ACTL8: variants seen among roughly 807,000 people sequenced by gnomAD.
The protein encoded by ACTL8 is actin-like protein 8.
In ACTL8, 3 loss-of-function variants were observed where a neutral mutation model predicts 9.3. That is an observed-to-expected ratio of 0.32 (90% confidence interval 0.15 to 0.83). The LOEUF is 0.83. Among genes scored for constraint, ACTL8 ranks in the 40% least tolerant of loss-of-function variants. The pLI is 0.57. For synonymous variants in ACTL8, 224 were observed against 205.9 expected (o/e 1.09, Z -0.75); for missense variants, 381 against 492.2 (o/e 0.77, Z 2.14).
At chr1:17,781,069 C>T (rs1037020584) in intron 1 of ACTL8, among the ~76,000 whole-genome samples, 1 of 152,062 alleles carries the variant, frequency 6.6e-6, no homozygotes, top group African/African-American at 2.4e-5. Flanking sequence ...CAGTAACCTC[C>T]GAAGGCTCTG....
chr1:17,811,056 T>C (rs534068066), intron 1 of ACTL8, among the ~76,000 whole-genome samples: 12 of 152,214 alleles, frequency 7.9e-5, no homozygotes, highest in Non-Finnish European at 1.5e-4. Context: ...TAAAAGAAAC[T>C]CCTAAACTGT....
rs573326282 is a variant in ACTL8 at position 17,769,431 on chromosome 1, G to T, written c.-25+13927G>T. ...TTTCACCTTAGACACGTTTGTAGCT[G>T]GTAGATAGTAACCCACCTTCTAGAC... is the stretch of plus-strand genomic sequence containing the variant. On this transcript the variant is annotated intron_variant, in intron 1 of 2. Transcript: ENST00000375406. Among the ~76,000 whole-genome samples the T allele has an allele frequency of 9.2e-5, 14 of 152,324 alleles. No individual in the cohort carries two copies. The South Asian group carries it at 2.9e-3, about 32-fold the overall frequency.
intron 1 of ACTL8, among the ~76,000 whole-genome samples, chr1:17,788,734 T>C (rs1478254080): frequency 2.0e-5 from 3 of 152,248 alleles, no homozygotes; most frequent in South Asian, 4.2e-4. Flanking sequence ...GCAATGGGCA[T>C]GTGGGGAGGT....
In ACTL8 at chr1:17,767,444, C is replaced by G. The variant is rs1344316835; in HGVS notation, c.-25+11940C>G. Among the ~76,000 whole-genome samples the G allele has an allele frequency of 2.0e-5, 3 of 152,072 alleles. No homozygotes were observed. Among genetic ancestry groups the G allele is most frequent in the Admixed American group, 6.5e-5 (1 of 15,280 alleles). ...AAAGAGTCTCTTCTTAGATATCGCTCTCTTCCCTTTCCTCCCGGACTGACG... is the reference window on the plus strand; with the variant it reads ...AAAGAGTCTCTTCTTAGATATCGCTGTCTTCCCTTTCCTCCCGGACTGACG... On this transcript the variant is annotated intron_variant, in intron 1 of 2. Transcript: ENST00000375406. This position sits in a 1 kb window ranked among gnomAD's most constrained non-coding sequence, Gnocchi z 4.7.
intron 1 of ACTL8, among the ~76,000 whole-genome samples, chr1:17,806,862 C>T (rs1482670885): frequency 1.3e-5 from 2 of 152,230 alleles, no homozygotes; most frequent in Non-Finnish European, 2.9e-5. Context: ...TGGCCCAACA[C>T]AGCACAGATT....
At chr1:17,782,183 G>GT (rs2066160382) in intron 1 of ACTL8, among the ~76,000 whole-genome samples, 1 of 152,104 alleles carries the variant, frequency 6.6e-6, no homozygotes, top group African/African-American at 2.4e-5. Flanking sequence ...TCAGACTCCA[G>GT]TTAGGGTACC....
intron 1 of ACTL8, among the ~76,000 whole-genome samples, chr1:17,813,928 C>T: frequency 6.6e-6 from 1 of 152,146 alleles, no homozygotes; most frequent in Non-Finnish European, 1.5e-5. Flanking sequence ...CTCTTGTTAT[C>T]CTTTTTGTGT....
At chr1:17,784,415 G>A (rs922036350) in intron 1 of ACTL8, among the ~76,000 whole-genome samples, 5 of 152,156 alleles carry the variant, frequency 3.3e-5, no homozygotes, top group Admixed American at 2.0e-4. Flanking sequence ...ACCATATCAG[G>A]AATTGAACTT....
intron 1 of ACTL8, among the ~76,000 whole-genome samples, chr1:17,819,253 T>G (rs770557779): frequency 1.6e-4 from 24 of 152,352 alleles, no homozygotes; most frequent in Non-Finnish European, 3.4e-4. Flanking sequence ...CTTCCCGGAA[T>G]GTCATGCAGC....
At chr1:17,758,560 TCTTCCTCCAAAC>T in intron 1 of ACTL8, among the ~76,000 whole-genome samples, 1 of 152,146 alleles carries the variant, frequency 6.6e-6, no homozygotes, top group Non-Finnish European at 1.5e-5. Flanking sequence ...TTATTGTAAA[TCTTCCTCCAAAC>T]CTTCCTCCAA....
At chr1:17,763,844 G>T (rs946644293) in intron 1 of ACTL8, among the ~76,000 whole-genome samples, 1 of 152,190 alleles carries the variant, frequency 6.6e-6, no homozygotes, top group African/African-American at 2.4e-5. Flanking sequence ...CCGCCCTCGG[G>T]AAACAGGGGT....
intron 1 of ACTL8, among the ~76,000 whole-genome samples, chr1:17,759,949 T>C (rs1429506711): frequency 5.9e-5 from 9 of 152,200 alleles, no homozygotes; most frequent in African/African-American, 2.2e-4. Flanking sequence ...AATAATCCTT[T>C]ATATGAAACT....
rs114174981 is a variant in ACTL8, at chr1:17,823,385, C to G, written c.348+29C>G. ...AGGCCTGCCGGGGCCTGCTCCCACT[C>G]GGGAGCGGGAAACAGACTGACACTA... On this transcript the variant is annotated intron_variant, in intron 2 of 2. Coordinates refer to ENST00000375406, the MANE Select transcript of ACTL8 (RefSeq NM_030812.3). The surrounding 1 kb of genome is among the most constrained non-coding windows in gnomAD (Gnocchi z 5.3). The G allele has an allele frequency of 2.5e-6, 4 of 1,575,146 alleles. No homozygotes were observed. Among genetic ancestry groups the G allele is most frequent in the Non-Finnish European group, 3.5e-6 (4 of 1,156,334 alleles).
At chr1:17,801,684 G>A (rs1371755602) in intron 1 of ACTL8, among the ~76,000 whole-genome samples, 2 of 152,038 alleles carry the variant, frequency 1.3e-5, no homozygotes, top group African/African-American at 4.8e-5. Flanking sequence ...TTACCACCTA[G>A]AAGTGAAAGT....
intron 1 of ACTL8, among the ~76,000 whole-genome samples, chr1:17,759,900 C>G (rs551807838): frequency 1.3e-5 from 2 of 152,300 alleles, no homozygotes; most frequent in East Asian, 3.9e-4. Context: ...CCTTTACTTT[C>G]TAGCCAGTTT....
Position 17,826,640 on chromosome 1 carries a change from C to T in ACTL8, c.*121C>T. ...GGTGGGGTGAGCTGGCTTTGGAATT[C>T]TAGGGGCATGAGGGTATTTTTTAGG... On this transcript the variant is annotated 3_prime_UTR_variant, in exon 3 of 3. Coordinates refer to ENST00000375406, the MANE Select transcript of ACTL8 (RefSeq NM_030812.3). The surrounding 1 kb of genome is among the most constrained non-coding windows in gnomAD (Gnocchi z 4.5). 6 of 1,048,160 alleles carry T rather than the reference C, an allele frequency of 5.7e-6. No individual in the cohort carries two copies. Among genetic ancestry groups the T allele is most frequent in the Non-Finnish European group, 7.9e-6 (6 of 756,850 alleles). The allele number at this position is 1,048,160 out of a possible 1,614,324, so 64.9% of individuals were successfully genotyped here.
rs1425511691 is a variant in ACTL8, at chr1:17,764,215, G to A, written c.-25+8711G>A. ...GGCCTTAGGTGTGACGCAAGGGGTG[G>A]GTAGAGGCCAGGGAAGCTGCTCTGT... On this transcript the variant is annotated intron_variant, in intron 1 of 2. Coordinates refer to ENST00000375406, the MANE Select transcript of ACTL8 (RefSeq NM_030812.3). Among the ~76,000 whole-genome samples the A allele has an allele frequency of 5.3e-5, 8 of 152,242 alleles. No homozygotes were observed. In the South Asian group the frequency reaches 1.0e-3, roughly 20 times the overall value.
intron 1 of ACTL8, among the ~76,000 whole-genome samples, chr1:17,802,804 G>A (rs2066331199): frequency 6.6e-6 from 1 of 151,984 alleles, no homozygotes; most frequent in Non-Finnish European, 1.5e-5. Flanking sequence ...TCAACATGGC[G>A]AAACCCCATC....
intron 1 of ACTL8, among the ~76,000 whole-genome samples, chr1:17,811,880 T>C (rs998797840): frequency 6.6e-6 from 1 of 151,964 alleles, no homozygotes; most frequent in African/African-American, 2.4e-5. Flanking sequence ...CTTTTTTTTT[T>C]TTTTTGAGAC....
Sources: gnomAD v4.1 joint callset for allele counts (sites outside exome capture counted in the v4.1 genomes callset) on GRCh38, gnomAD v4.1.1 for gene constraint, Gnocchi (gnomAD v3.1) non-coding constraint, MANE v1.5 for transcripts, NCBI Gene and HGNC (gene_info 2026-07-23, HGNC 2026-07-21) for gene names.